Variants in CRMP1 observed in about 807,000 individuals in gnomAD.
CRMP1 encodes dihydropyrimidinase-related protein 1.
A neutral mutation model predicts 68.3 loss-of-function variants in CRMP1; 19 were observed. The observed-to-expected ratio is 0.28, with a 90% confidence interval of 0.19 to 0.41. The LOEUF (loss-of-function observed/expected upper bound fraction) is 0.41, where lower values mean the gene tolerates loss of function less well. Ranked by LOEUF, CRMP1 falls within the 10% of genes least tolerant of loss-of-function variation. CRMP1 has a pLI of 1.00. For missense variants in CRMP1, 791 were observed against 967.4 expected, an observed-to-expected ratio of 0.82 and a Z score of 2.42; for synonymous variants, 439 against 399.6, an observed-to-expected ratio of 1.10 and a Z score of -1.18.
chr4:5,887,394 C>G, intron 1 of CRMP1: 7 of 985,638 alleles, frequency 7.1e-6, no homozygotes, highest in Non-Finnish European at 8.4e-6. Context: ...CATACATGGG[C>G]TCCAGTGGTC....
intron 6 of CRMP1, among the ~76,000 whole-genome samples, chr4:5,847,246 C>G (rs1437116684): frequency 6.6e-6 from 1 of 152,090 alleles, no homozygotes; most frequent in Admixed American, 6.6e-5. Flanking sequence ...CTTCATAGAC[C>G]TACAGATTAT....
Position 5,892,180 on chromosome 4 carries a change from G to C in CRMP1, c.381+409C>G, listed in dbSNP as rs895447017. On this transcript the variant is annotated intron_variant, in intron 1 of 13. Coordinates refer to ENST00000324989, the MANE Select transcript of CRMP1 (RefSeq NM_001014809.3). The surrounding 1 kb of genome is among the most constrained non-coding windows in gnomAD (Gnocchi z 8.6). ...ATAATTACTACCGACTGAGTGGATG[G>C]ATGAATGGACCAACACGGAACGGAG... Among the ~76,000 whole-genome samples the C allele has an allele frequency of 1.3e-5, 2 of 152,128 alleles. No individual in the cohort carries two copies. The highest frequency in any genetic ancestry group is 2.9e-5 in the Non-Finnish European group (2 of 68,034).
At chr4:5,827,694 G>GCA (rs1719875554) in intron 12 of CRMP1, among the ~76,000 whole-genome samples, 1 of 151,386 alleles carries the variant, frequency 6.6e-6, no homozygotes, top group Non-Finnish European at 1.5e-5. Flanking sequence ...ATGTACACAT[G>GCA]CACACATGAC....
At chr4:5,887,603 A>G in intron 1 of CRMP1, 2 of 984,904 alleles carry the variant, frequency 2.0e-6, no homozygotes, top group Non-Finnish European at 2.4e-6. Context: ...CTCGCGGCCC[A>G]GCGTCGGGAA....
rs537482518 is a variant in CRMP1, at chr4:5,827,730, C to T, written c.1803+759G>A. 7.6e-5 allele frequency among the ~76,000 whole-genome samples: 10 copies of T among 132,022 alleles called. No individual in the cohort carries two copies. In the East Asian group the frequency reaches 2.0e-3, roughly 26 times the overall value. 86.6% of individuals were successfully genotyped at this position (132,022 alleles called of 152,430 possible). A position where few individuals can be genotyped will look rare whatever the true frequency, so the allele number is the denominator to read the frequency against. ...ACGCATAGACATACACACATGTGCG[C>T]GTGCACACACACACACACACACACG... On this transcript the variant is annotated intron_variant, in intron 12 of 13. Transcript: ENST00000324989.
At position 5,859,747 on chromosome 4, in the gene CRMP1, C is replaced by A. The variant is rs1172933845; in HGVS notation, c.655+1279G>T. 6.6e-6 allele frequency among the ~76,000 whole-genome samples: 1 copy of A among 152,082 alleles called. No individual in the cohort carries two copies. Among genetic ancestry groups the A allele is most frequent in the East Asian group, 1.9e-4 (1 of 5,144 alleles). ...GGAAGAGGGATCAGGACAGTGCTTG[C>A]CTCAAAAGTCGAGCCCCACCCTCCT... On this transcript the variant is annotated intron_variant, in intron 3 of 13. Transcript: ENST00000324989. This position sits in a 1 kb window ranked among gnomAD's most constrained non-coding sequence, Gnocchi z 5.2.
Position 5,892,631 on chromosome 4 carries a change from G to A in CRMP1, c.339C>T (p.Arg113=), listed in dbSNP as rs1262700766. The A allele has an allele frequency of 2.5e-5, 30 of 1,192,816 alleles. No individual in the cohort carries two copies. Among genetic ancestry groups the A allele is most frequent in the South Asian group, 4.0e-5 (1 of 25,160 alleles). The allele number at this position is 1,192,816 out of a possible 1,614,324, so 73.9% of individuals were successfully genotyped here. A position where few individuals can be genotyped will look rare whatever the true frequency, so the allele number is the denominator to read the frequency against. Residue 113 remains arginine (R), a synonymous_variant, in exon 1 of 14, where the codon CGC becomes CGT. Transcript: ENST00000324989. The surrounding 1 kb of genome is among the most constrained non-coding windows in gnomAD (Gnocchi z 8.6). ...CGAGGGGCAGGTCGCGGGGCGCGGG[G>A]CGGCGGATGCGCAGCGTCGGCGGCC... ...DERPPTLRIR[R]PAPRDLPLGR... is the part of the protein sequence containing the mutation.
At chr4:5,863,757 T>C (rs1196062342) in intron 2 of CRMP1, among the ~76,000 whole-genome samples, 9 of 152,132 alleles carry the variant, frequency 5.9e-5, no homozygotes, top group South Asian at 2.1e-4. Flanking sequence ...TTAAGAAAAC[T>C]TGGCAAATGG....
intron 1 of CRMP1, among the ~76,000 whole-genome samples, chr4:5,884,193 C>G (rs527953161): frequency 6.6e-6 from 1 of 152,278 alleles, no homozygotes; most frequent in South Asian, 2.1e-4. Context: ...GTGGACATCT[C>G]AAATCCTTTG....
At position 5,837,675 on chromosome 4, in the gene CRMP1, A is replaced by AAT. The variant is rs1246059214; in HGVS notation, c.1311-770_1311-769insAT. On this transcript the variant is annotated intron_variant, in intron 9 of 13. Transcript: ENST00000324989. ...TAATAAAATAAAATAAAATAAAATA[A>AAT]AATAAATAAAATAAAATAAAATAAA... Among the ~76,000 whole-genome samples the AAT allele has an allele frequency of 2.4e-4, 23 of 96,402 alleles. No individual in the cohort carries two copies. The East Asian group carries it at 8.6e-3, about 36-fold the overall frequency. 63.2% of individuals were successfully genotyped at this position (96,402 alleles called of 152,430 possible). A position where few individuals can be genotyped will look rare whatever the true frequency, so the allele number is the denominator to read the frequency against.
In CRMP1 at chr4:5,831,411, G is replaced by A. The variant is rs138679364; in HGVS notation, c.1624-2743C>T. ...ATTCTTGGGGGTTCCAGGCAATCAC[G>A]TCTCCTACACACAGCTGTTGACACT... On this transcript the variant is annotated intron_variant, in intron 11 of 13. Transcript: ENST00000324989. Among the ~76,000 whole-genome samples, 527 of 152,218 alleles carry A rather than the reference G, an allele frequency of 3.5e-3. 2 individuals are homozygous for A. The highest frequency in any genetic ancestry group is 0.012 in the African/African-American group (504 of 41,530).
chr4:5,835,804 T>A, intron 11 of CRMP1, 111 bp downstream of exon 11: 1 of 1,231,482 alleles, frequency 8.1e-7, no homozygotes, highest in Non-Finnish European at 1.1e-6. Context: ...TCAGGCTAGA[T>A]ATCAGATCAC....
At chr4:5,827,133 C>T (rs778583424) in intron 12 of CRMP1, among the ~76,000 whole-genome samples, 2 of 152,204 alleles carry the variant, frequency 1.3e-5, no homozygotes, top group African/African-American at 4.8e-5. Context: ...GATCCTATTG[C>T]TCCTGCAAAT....
Position 5,889,803 on chromosome 4 carries a change from GC to G in CRMP1, c.381+2785del. 6.6e-7 allele frequency: 1 copy of G among 1,518,198 alleles called. No individual in the cohort carries two copies. The highest frequency in any genetic ancestry group is 8.8e-7 in the Non-Finnish European group (1 of 1,136,012). The allele number at this position is 1,518,198 out of a possible 1,614,324, so 94.0% of individuals were successfully genotyped here. A position where few individuals can be genotyped will look rare whatever the true frequency, so the allele number is the denominator to read the frequency against. Reference sequence around the variant, plus strand: ...GGCCCTGACCTTCACCACCCCAGGGGCCAGTCCCCTAATCCAGGGCAGGAGG... The same window carrying G: ...GGCCCTGACCTTCACCACCCCAGGGGCAGTCCCCTAATCCAGGGCAGGAGG... On this transcript the variant is annotated intron_variant, in intron 1 of 13. Transcript: ENST00000324989. This position sits in a 1 kb window ranked among gnomAD's most constrained non-coding sequence, Gnocchi z 4.5.
At chr4:5,880,642 C>T (rs1285901106) in intron 1 of CRMP1, among the ~76,000 whole-genome samples, 2 of 152,182 alleles carry the variant, frequency 1.3e-5, no homozygotes, top group Non-Finnish European at 2.9e-5. Context: ...CAGCGAAGCC[C>T]ATTACTAAAC....
chr4:5,828,385 GGC>G (rs1352447340), intron 12 of CRMP1, 102 bp downstream of exon 12: 57 of 1,466,892 alleles, frequency 3.9e-5, no homozygotes, highest in South Asian at 5.8e-5. Flanking sequence ...AGGTTCCCAG[GGC>G]GATGACATTA....
chr4:5,856,025 C>A (rs557533567), intron 4 of CRMP1, 118 bp downstream of exon 4: 14 of 1,185,718 alleles, frequency 1.2e-5, no homozygotes, highest in African/African-American at 1.1e-4. Flanking sequence ...TGGCAGAGTG[C>A]AGCTCATAAT....
Position 5,869,641 on chromosome 4 carries a change from G to A in CRMP1, c.382-2885C>T, listed in dbSNP as rs189826069. 2.3e-3 allele frequency among the ~76,000 whole-genome samples: 326 copies of A among 144,380 alleles called. 1 individual carries two copies. Among genetic ancestry groups the A allele is most frequent in the African/African-American group, 7.9e-3 (302 of 38,376 alleles). The allele number at this position is 144,380 out of a possible 152,430, so 94.7% of individuals were successfully genotyped here. On this transcript the variant is annotated intron_variant, in intron 1 of 13. Transcript: ENST00000324989. ...AGAGCTTGCAGTGAGCCGAGATAGCGCCACTGCACTCCAGCCTGGGCAACA... is the reference window on the plus strand; with the variant it reads ...AGAGCTTGCAGTGAGCCGAGATAGCACCACTGCACTCCAGCCTGGGCAACA...
Position 5,892,684 on chromosome 4 carries a change from C to G in CRMP1, c.286G>C (p.Val96Leu). The change falls in exon 1 of 14, where the codon GTC (valine) becomes CTC (leucine). Residue 96 changes from valine (V) to leucine (L), a missense_variant. By Grantham distance (32) the Val-to-Leu change is conservative. This residue lies in a region of CRMP1 where 193 missense variants were observed against 186.3 expected (regional missense o/e 1.04). Transcript: ENST00000324989. This position sits in a 1 kb window ranked among gnomAD's most constrained non-coding sequence, Gnocchi z 8.6. ...SDVSEPSGSA[V>L]SSPGERDERP... ...TCGTCGCGCTCTCCGGGAGAGCTGACCGCGGAGCCCGAGGGCTCGCTCACG... is the reference window on the plus strand; with the variant it reads ...TCGTCGCGCTCTCCGGGAGAGCTGAGCGCGGAGCCCGAGGGCTCGCTCACG... The G allele has an allele frequency of 8.2e-7, 1 of 1,218,378 alleles. No individual in the cohort carries two copies. 75.5% of individuals were successfully genotyped at this position (1,218,378 alleles called of 1,614,324 possible). A position where few individuals can be genotyped will look rare whatever the true frequency, so the allele number is the denominator to read the frequency against.
Sources: gnomAD v4.1 joint callset for allele counts (sites outside exome capture counted in the v4.1 genomes callset) on GRCh38, gnomAD v4.1.1 for gene constraint, gnomAD v4.1.1 regional missense constraint, Gnocchi (gnomAD v3.1) non-coding constraint, MANE v1.5 for transcripts, NCBI Gene and HGNC (gene_info 2026-07-23, HGNC 2026-07-21) for gene names.